The following UTRN variants were observed in gnomAD, a reference collection of about 807,000 sequenced individuals.
The protein encoded by UTRN is dystrophin-related protein 1.
Under a neutral mutation model 463.9 loss-of-function variants are expected in UTRN, and 283 were observed. The observed-to-expected ratio is 0.61, with a 90% CI of 0.55 to 0.67. The LOEUF is 0.67. Among genes scored for constraint, UTRN ranks in the 30% least tolerant of loss-of-function variants. The probability of loss-of-function intolerance (pLI) is 0.00; values close to 1 mark genes in which losing one functional copy is unlikely to be tolerated. For synonymous variants in UTRN, 1,442 were observed against 1,431.5 expected, an observed-to-expected ratio of 1.01 and a Z score of -0.17; for missense variants, 3,922 against 4,084.3, an observed-to-expected ratio of 0.96 and a Z score of 1.08.
intron 71 of UTRN, 131 bp downstream of exon 71, chr6:144,836,672 C>A: frequency 7.3e-7 from 1 of 1,376,862 alleles, no homozygotes; most frequent in Non-Finnish European, 9.6e-7. Flanking sequence ...TTAATTCAGA[C>A]TGGCTTAGAA....
intron 13 of UTRN, among the ~76,000 whole-genome samples, chr6:144,443,616 A>G (rs941141982): frequency 1.3e-5 from 2 of 150,940 alleles, no homozygotes; most frequent in Admixed American, 6.6e-5. Context: ...TTTTGGGAGA[A>G]AATAATCATG....
Position 144,828,971 on chromosome 6 carries a change from T to C in UTRN, c.9665+116T>C. 1.7e-6 allele frequency: 2 copies of C among 1,195,962 alleles called. 1 individual carries two copies. The allele number at this position is 1,195,962 out of a possible 1,614,324, so 74.1% of individuals were successfully genotyped here. On this transcript the variant is annotated intron_variant, in intron 69 of 74. Coordinates refer to ENST00000367545, the MANE Select transcript of UTRN (RefSeq NM_007124.3). ...CTTGATCCCAATCAAAATTATTAAG[T>C]GTGGTTCCAAAAATTTCTACGTAGA...
At chr6:144,399,318 G>A (rs558274512) in intron 2 of UTRN, among the ~76,000 whole-genome samples, 55 of 152,218 alleles carry the variant, frequency 3.6e-4, no homozygotes, top group Non-Finnish European at 6.8e-4. Context: ...AAGTGTGAGT[G>A]GCAGAATTAT....
In UTRN at chr6:144,531,190, G is replaced by A. The variant is rs543153903; in HGVS notation, c.6045G>A (p.Arg2015=). 3.7e-6 allele frequency: 6 copies of A among 1,613,676 alleles called. No individual in the cohort carries two copies. The highest frequency in any genetic ancestry group is 5.1e-6 in the Non-Finnish European group (6 of 1,179,820). The change falls in exon 42 of 75, where the codon AGG becomes AGA. Residue 2015 remains arginine (R), a synonymous_variant. Transcript: ENST00000367545. ...GCAGCCTGGACTTAGAGAAAGCCAG[G>A]ATACATCAGCAGGTGAGTGCTTTCT... ...PGGSLDLEKA[R]IHQQELEVGI...
intron 45 of UTRN, among the ~76,000 whole-genome samples, chr6:144,539,944 G>A (rs1238999812): frequency 1.3e-5 from 2 of 151,392 alleles, no homozygotes; most frequent in African/African-American, 4.9e-5. Context: ...TTGGGAGGCC[G>A]AGGCACGAGA....
chr6:144,653,024 T>C (rs1426192533), intron 51 of UTRN, among the ~76,000 whole-genome samples: 2 of 149,558 alleles, frequency 1.3e-5, no homozygotes, highest in African/African-American at 4.8e-5. Flanking sequence ...GATTTAATTT[T>C]GTATGAAAAT....
At chr6:144,464,040 A>G (rs1373761123) in intron 23 of UTRN, among the ~76,000 whole-genome samples, 3 of 151,994 alleles carry the variant, frequency 2.0e-5, no homozygotes, top group Non-Finnish European at 4.4e-5. Context: ...TTATATCTAC[A>G]TATATTTGGA....
chr6:144,374,993 C>T (rs1780333052), intron 2 of UTRN, among the ~76,000 whole-genome samples: 2 of 150,036 alleles, frequency 1.3e-5, no homozygotes, highest in Admixed American at 1.3e-4. Context: ...TTAAAAAATA[C>T]TGGAATTCCT....
In UTRN at chr6:144,548,057, T is replaced by C. The variant is rs952801189; in HGVS notation, c.6596-583T>C. Among the ~76,000 whole-genome samples the C allele has an allele frequency of 2.0e-5, 3 of 152,312 alleles. No individual in the cohort carries two copies. The East Asian group carries it at 5.8e-4, about 29-fold the overall frequency. On this transcript the variant is annotated intron_variant, in intron 46 of 74. Transcript: ENST00000367545. ...TAAATACATACTTTTTTTTGTATTT[T>C]CTGACTCAGTAATTCTACTTGGGAA...
intron 52 of UTRN, among the ~76,000 whole-genome samples, chr6:144,694,821 A>T (rs1422168913): frequency 2.0e-5 from 3 of 146,512 alleles, no homozygotes; most frequent in African/African-American, 5.1e-5. Context: ...ATTTTATTTC[A>T]TTTTTTTTCA....
Position 144,694,830 on chromosome 6 carries a change from C to G in UTRN, c.7653-5257C>G, listed in dbSNP as rs143599752. ...CTATCTATTTTATTTCATTTTTTTT[C>G]AAAAACCCAGCTCCTGGATAAGTTG... is the stretch of plus-strand genomic sequence containing the variant. On this transcript the variant is annotated intron_variant, in intron 52 of 74. Coordinates refer to ENST00000367545, the MANE Select transcript of UTRN (RefSeq NM_007124.3). Among the ~76,000 whole-genome samples, 202 of 151,284 alleles carry G rather than the reference C, an allele frequency of 1.3e-3. 2 individuals carry two copies. The highest frequency in any genetic ancestry group is 4.0e-3 in the Admixed American group (61 of 15,210).
chr6:144,498,225 A>G (rs999903804), intron 33 of UTRN, among the ~76,000 whole-genome samples: 1 of 152,238 alleles, frequency 6.6e-6, no homozygotes, highest in African/African-American at 2.4e-5. Context: ...GCTCAATCCA[A>G]AGATTGTACC....
rs537510751 is a variant in UTRN at position 144,307,837 on chromosome 6, A to G, written c.79+15930A>G. Among the ~76,000 whole-genome samples the G allele has an allele frequency of 6.3e-4, 96 of 151,342 alleles. 1 individual carries two copies. The highest frequency in any genetic ancestry group is 2.1e-3 in the African/African-American group (88 of 41,214). ...CCTCAGTTTTTTTTTTTTTTAATTA[A>G]TGAAACTTGGGCTTCATCAAGCTCA... On this transcript the variant is annotated intron_variant, in intron 2 of 74. Transcript: ENST00000367545.
chr6:144,629,717 T>C (rs1338885954), intron 51 of UTRN, among the ~76,000 whole-genome samples: 1 of 152,260 alleles, frequency 6.6e-6, no homozygotes, highest in Non-Finnish European at 1.5e-5. Flanking sequence ...GCTCCTCATC[T>C]GAGCTGAAAC....
intron 57 of UTRN, 84 bp from the exon 58 acceptor site, chr6:144,757,845 C>A (rs920209679): frequency 3.4e-5 from 43 of 1,261,140 alleles, no homozygotes; most frequent in Middle Eastern, 3.8e-4. Context: ...ATTGAATTTG[C>A]TATAAAATGT....
intron 2 of UTRN, among the ~76,000 whole-genome samples, chr6:144,331,666 A>G (rs1436220478): frequency 6.6e-6 from 1 of 152,204 alleles, no homozygotes; most frequent in African/African-American, 2.4e-5. Flanking sequence ...GAGGCAGACA[A>G]GCAAGATCTC....
Position 144,461,889 on chromosome 6 carries a change from ATGTTT to A in UTRN, c.2853+564_2853+568del, listed in dbSNP as rs532252237. Among the ~76,000 whole-genome samples, 117 of 152,062 alleles carry A rather than the reference ATGTTT, an allele frequency of 7.7e-4. 1 individual carries two copies. The highest frequency in any genetic ancestry group is 7.3e-3 in the South Asian group (35 of 4,812). ...TGCCTATTTTTTTCATGAGTTTTTC[ATGTTT>A]TGTTTTGTTTTGTTTTTTGATTTCC... On this transcript the variant is annotated intron_variant, in intron 22 of 74. Coordinates refer to ENST00000367545, the MANE Select transcript of UTRN (RefSeq NM_007124.3).
At chr6:144,490,301 G>A in intron 31 of UTRN, 102 bp downstream of exon 31, 1 of 1,474,834 alleles carries the variant, frequency 6.8e-7, no homozygotes, top group South Asian at 1.4e-5. Flanking sequence ...TATTCTTTGT[G>A]ATGTAAACCA....
intron 30 of UTRN, among the ~76,000 whole-genome samples, chr6:144,489,767 G>A (rs1053921313): frequency 2.6e-5 from 4 of 151,784 alleles, no homozygotes; most frequent in African/African-American, 7.3e-5. Context: ...GATTATAGGC[G>A]CCCGCCACCG....
Sources: allele counts gnomAD v4.1 joint callset (sites outside exome capture counted in the v4.1 genomes callset), GRCh38; gene constraint gnomAD v4.1.1; transcripts MANE v1.5; gene names NCBI Gene and HGNC (gene_info 2026-07-23, HGNC 2026-07-21).